PDE1A: variants seen among roughly 807,000 people sequenced by gnomAD.
PDE1A encodes dual specificity calcium/calmodulin-dependent 3',5'-cyclic nucleotide phosphodiesterase 1A.
In PDE1A, 35 loss-of-function variants were observed where a neutral mutation model predicts 61.7. The ratio of observed to expected loss-of-function variants is 0.57; its 90% CI spans 0.43 to 0.75. The LOEUF (loss-of-function observed/expected upper bound fraction) is 0.75. PDE1A is among the 30% of genes least tolerant of loss of function. The pLI is 0.00. For missense variants in PDE1A, 597 were observed against 630.6 expected (o/e 0.95, Z 0.57); for synonymous variants, 232 against 213.2 (o/e 1.09, Z -0.77).
chr2:182,455,107 G>A (rs983371906), intron 2 of PDE1A, among the ~76,000 whole-genome samples: 6 of 151,896 alleles, frequency 4.0e-5, no homozygotes, highest in Admixed American at 2.6e-4. Context: ...GTTATGAACA[G>A]ACACTTCTCA....
intron 1 of PDE1A, among the ~76,000 whole-genome samples, chr2:182,379,634 TATAAC>T (rs1700612676): frequency 6.6e-6 from 1 of 152,346 alleles, no homozygotes; most frequent in Admixed American, 6.5e-5. Context: ...TGTATAGTAA[TATAAC>T]ATAAAATAAT....
chr2:182,700,997 T>C, the PDE1A span, among the ~76,000 whole-genome samples: 1 of 150,568 alleles, frequency 6.6e-6, no homozygotes, highest in East Asian at 2.0e-4. Context: ...TGAATGAACA[T>C]GAATATTCTG....
intron 1 of PDE1A, among the ~76,000 whole-genome samples, chr2:182,352,800 C>A (rs544569598): frequency 6.6e-6 from 1 of 152,064 alleles, no homozygotes; most frequent in South Asian, 2.1e-4. Flanking sequence ...CAAAACACAA[C>A]TGTTGCATTC....
At chr2:182,419,151 GA>G (rs1314691690) in intron 1 of PDE1A, among the ~76,000 whole-genome samples, 1 of 151,542 alleles carries the variant, frequency 6.6e-6, no homozygotes, top group Non-Finnish European at 1.5e-5. Flanking sequence ...GTTCAAATTT[GA>G]AATGCCTATA....
chr2:182,610,278 G>A, the PDE1A span, among the ~76,000 whole-genome samples: 2 of 152,002 alleles, frequency 1.3e-5, no homozygotes, highest in South Asian at 2.1e-4. Flanking sequence ...CTATATCTTT[G>A]GGTCTTCCTT....
intron 1 of PDE1A, among the ~76,000 whole-genome samples, chr2:182,274,674 G>C (rs1693276451): frequency 6.6e-6 from 1 of 152,078 alleles, no homozygotes; most frequent in South Asian, 2.1e-4. Flanking sequence ...ACTCCAATTT[G>C]ATTGATTCTC....
At chr2:182,707,886 T>C in the PDE1A span, among the ~76,000 whole-genome samples, 102 of 151,998 alleles carry the variant, frequency 6.7e-4, no homozygotes, top group African/African-American at 2.3e-3. Context: ...TAAGGAGAGG[T>C]TGGGTAAGAT....
chr2:182,327,816 G>C (rs1008166269), intron 1 of PDE1A, among the ~76,000 whole-genome samples: 14 of 152,210 alleles, frequency 9.2e-5, no homozygotes, highest in African/African-American at 2.9e-4. Context: ...AGAAATGTGG[G>C]TTGAGGAGGG....
chr2:182,660,642 A>G, the PDE1A span, among the ~76,000 whole-genome samples: 920 of 152,332 alleles, frequency 6.0e-3, 14 homozygotes, highest in African/African-American at 0.021. Flanking sequence ...TACTGTAGCC[A>G]TGTTGCAAGC....
At chr2:182,245,713 A>C (rs1270928901) in intron 2 of PDE1A, among the ~76,000 whole-genome samples, 1 of 59,492 alleles carries the variant, frequency 1.7e-5, no homozygotes, top group Non-Finnish European at 3.7e-5. Context: ...GCTAAATAAT[A>C]TTCTATTGTG....
chr2:182,231,154 T>C, intron 4 of PDE1A, 23 bp from the exon 5 acceptor site: 1 of 1,169,524 alleles, frequency 8.6e-7, no homozygotes, highest in Non-Finnish European at 1.3e-6. Flanking sequence ...GAATAAATAC[T>C]TTAGGTGCCA....
chr2:182,544,501 G>A, the PDE1A span, among the ~76,000 whole-genome samples: 75 of 152,258 alleles, frequency 4.9e-4, no homozygotes, highest in African/African-American at 1.6e-3. Context: ...TGGGATTTGC[G>A]ACATACCATC....
chr2:182,575,952 AAT>A, the PDE1A span, among the ~76,000 whole-genome samples: 254 of 147,222 alleles, frequency 1.7e-3, 1 homozygote, highest in African/African-American at 5.9e-3. Context: ...AATATATTAT[AAT>A]ATATATTATT....
the PDE1A span, among the ~76,000 whole-genome samples, chr2:182,668,575 G>T: frequency 1.3e-5 from 2 of 152,148 alleles, no homozygotes; most frequent in South Asian, 2.1e-4. Flanking sequence ...GAGGTTCAAG[G>T]GGGAGTTGGT....
At chr2:182,231,103 A>T in exon 5 of PDE1A, 1 of 1,600,424 alleles carries the variant, frequency 6.2e-7, no homozygotes, top group African/African-American at 1.3e-5. Flanking sequence ...ATTTAGGGCA[A>T]ATACATCGAA....
intron 1 of PDE1A, among the ~76,000 whole-genome samples, chr2:182,342,660 G>A (rs1009680735): frequency 6.6e-6 from 1 of 152,174 alleles, no homozygotes; most frequent in African/African-American, 2.4e-5. Context: ...TCCAGCCTGG[G>A]CAACAAAGCG....
At chr2:182,410,291 T>G (rs1334286892) in intron 1 of PDE1A, among the ~76,000 whole-genome samples, 1 of 152,068 alleles carries the variant, frequency 6.6e-6, no homozygotes, top group African/African-American at 2.4e-5. Context: ...CACTTTAGCC[T>G]AGGAAGTCAA....
At chr2:182,191,630 C>A (rs757974008) in intron 10 of PDE1A, among the ~76,000 whole-genome samples, 2 of 150,950 alleles carry the variant, frequency 1.3e-5, no homozygotes, top group South Asian at 2.1e-4. Context: ...ATTGCAAAAA[C>A]CACAATTATT....
At chr2:182,444,706 C>A (rs1425120319) in intron 2 of PDE1A, among the ~76,000 whole-genome samples, 1 of 151,764 alleles carries the variant, frequency 6.6e-6, no homozygotes, top group Non-Finnish European at 1.5e-5. Context: ...ATGGGCATAC[C>A]TAGCACCAAG....
Sources: allele counts gnomAD v4.1 joint callset (sites outside exome capture counted in the v4.1 genomes callset), GRCh38; gene constraint gnomAD v4.1.1; transcripts MANE v1.5; gene names NCBI Gene and HGNC (gene_info 2026-07-23, HGNC 2026-07-21).